The following HSF5 variants were observed in gnomAD, a reference collection of about 807,000 sequenced individuals.
HSF5 encodes the protein heat shock transcription factor 5, also known as heat shock factor protein 5.
HSF5 carries 5 observed loss-of-function variants against 50.8 expected under a neutral mutation model. The ratio of observed to expected loss-of-function variants is 0.10; its 90% CI spans 0.05 to 0.21. The LOEUF is 0.21. Ranked by LOEUF, HSF5 falls within the 10% of genes least tolerant of loss-of-function variation. HSF5 has a pLI of 1.00. For missense variants in HSF5, 564 were observed against 762.6 expected, an observed-to-expected ratio of 0.74 and a Z score of 3.07; for synonymous variants, 307 against 307.4, an observed-to-expected ratio of 1.00 and a Z score of 0.02.
At chr17:58,469,721 C>T (rs1974920332) in intron 2 of HSF5, among the ~76,000 whole-genome samples, 1 of 152,194 alleles carries the variant, frequency 6.6e-6, no homozygotes. Context: ...TCCTAAGATA[C>T]ATTCATCTGC....
chr17:58,429,179 A>C (rs1974333343), intron 5 of HSF5, among the ~76,000 whole-genome samples: 1 of 152,226 alleles, frequency 6.6e-6, no homozygotes, highest in African/African-American at 2.4e-5. Flanking sequence ...CATTTATATA[A>C]AACATTCAGA....
At chr17:58,452,205 G>A (rs964820850) in intron 5 of HSF5, among the ~76,000 whole-genome samples, 2 of 151,626 alleles carry the variant, frequency 1.3e-5, no homozygotes, top group Admixed American at 6.6e-5. Context: ...AGCTATTATC[G>A]TGCCACTGTA....
intron 3 of HSF5, among the ~76,000 whole-genome samples, chr17:58,463,875 G>A (rs903919691): frequency 6.6e-6 from 1 of 152,198 alleles, no homozygotes; most frequent in African/African-American, 2.4e-5. Flanking sequence ...GTTGCTTTTA[G>A]ATTTACATCT....
intron 5 of HSF5, among the ~76,000 whole-genome samples, chr17:58,432,434 A>G (rs1242965062): frequency 1.3e-5 from 2 of 152,216 alleles, no homozygotes; most frequent in Non-Finnish European, 2.9e-5. Context: ...CTGGCATCTG[A>G]GCAGAGGACT....
chr17:58,450,883 G>A (rs1974631740), intron 5 of HSF5, among the ~76,000 whole-genome samples: 1 of 152,030 alleles, frequency 6.6e-6, no homozygotes, highest in East Asian at 1.9e-4. Flanking sequence ...GAGGTTAGGA[G>A]TTTGAGACCA....
chr17:58,455,401 C>G (rs188270049), intron 5 of HSF5, among the ~76,000 whole-genome samples: 1 of 152,186 alleles, frequency 6.6e-6, no homozygotes, highest in East Asian at 1.9e-4. Context: ...GAAAATGCTT[C>G]ATGAAAATGG....
At chr17:58,451,948 TAA>T (rs61125428) in intron 5 of HSF5, among the ~76,000 whole-genome samples, 1 of 131,838 alleles carries the variant, frequency 7.6e-6, no homozygotes. Flanking sequence ...AGTTAGACTT[TAA>T]AAAAAAAAAA....
At chr17:58,480,572 T>C (rs1197003723) in intron 1 of HSF5, among the ~76,000 whole-genome samples, 1 of 152,224 alleles carries the variant, frequency 6.6e-6, no homozygotes, top group Non-Finnish European at 1.5e-5. Context: ...GATTTGGCCA[T>C]CTTACCTTTC....
Position 58,462,998 on chromosome 17 carries a change from A to G in HSF5, c.1326T>C (p.Phe442=). The part of the protein sequence containing the change: ...LTPVGSDIMS[F]VVGTEQAVAC... ...CAACTGCTTGTTCTGTTCCAACCAC[A>G]AAAGACATAATATCTGAGCCTACAG... Residue 442 remains phenylalanine, a synonymous_variant, in exon 4 of 6, where the codon TTT becomes TTC. Coordinates refer to ENST00000323777, the MANE Select transcript of HSF5 (RefSeq NM_001080439.3). The G allele has an allele frequency of 3.1e-6, 5 of 1,614,248 alleles. No homozygotes were observed. Among genetic ancestry groups the G allele is most frequent in the Non-Finnish European group, 4.2e-6 (5 of 1,180,042 alleles).
At chr17:58,460,518 T>C (rs371548231) in intron 4 of HSF5, among the ~76,000 whole-genome samples, 1 of 148,860 alleles carries the variant, frequency 6.7e-6, no homozygotes, top group Non-Finnish European at 1.5e-5. Context: ...CACATACTTT[T>C]TTTTTTTTTG....
intron 3 of HSF5, among the ~76,000 whole-genome samples, chr17:58,466,169 G>A (rs1278863730): frequency 6.6e-6 from 1 of 152,062 alleles, no homozygotes; most frequent in Non-Finnish European, 1.5e-5. Context: ...TCCAAAATCT[G>A]AAACACTCCT....
chr17:58,451,180 A>G (rs1468952739), intron 5 of HSF5, among the ~76,000 whole-genome samples: 1 of 152,218 alleles, frequency 6.6e-6, no homozygotes, highest in African/African-American at 2.4e-5. Context: ...TGGAGCACCT[A>G]AATATATAAT....
chr17:58,441,856 G>A (rs1050051164), intron 5 of HSF5, among the ~76,000 whole-genome samples: 2 of 152,228 alleles, frequency 1.3e-5, no homozygotes, highest in Non-Finnish European at 2.9e-5. Flanking sequence ...AACAGCGACT[G>A]TTGTATGTTT....
rs1974815241 is a variant in HSF5, at chr17:58,463,077, T to C, written c.1247A>G (p.Asn416Ser). Residue 416 changes from asparagine (N) to serine (S), a missense_variant, in exon 4 of 6, where the codon AAC (asparagine) becomes AGC (serine). Physicochemically the swap from Asn to Ser is conservative, Grantham distance 46 (BLOSUM62 1). Coordinates refer to ENST00000323777, the MANE Select transcript of HSF5 (RefSeq NM_001080439.3). ...YRGQHILANSNNSNPCSASQA... is the reference protein window; with the variant it reads ...YRGQHILANSSNSNPCSASQA... ...ACTTGCAGAACATGGATTGCTGTTG[T>C]TAGAATTAGCTAAAATGTGTTGGCC... 1 of 1,614,220 alleles carries C rather than the reference T, an allele frequency of 6.2e-7. No homozygotes were observed. Among genetic ancestry groups the C allele is most frequent in the Middle Eastern group, 1.6e-4 (1 of 6,062 alleles).
chr17:58,451,261 C>T (rs1185666030), intron 5 of HSF5, among the ~76,000 whole-genome samples: 1 of 152,142 alleles, frequency 6.6e-6, no homozygotes, highest in Non-Finnish European at 1.5e-5. Flanking sequence ...AAACACCCAG[C>T]TTTCAGCAAT....
At position 58,429,889 on chromosome 17, in the gene HSF5, TA is replaced by T. The variant is rs982833356; in HGVS notation, c.1721-7460del. Among the ~76,000 whole-genome samples, 180 of 146,728 alleles carry T rather than the reference TA, an allele frequency of 1.2e-3. 1 individual carries two copies. The highest frequency in any genetic ancestry group is 3.4e-3 in the Middle Eastern group (1 of 290). On this transcript the variant is annotated intron_variant, in intron 5 of 5. Transcript: ENST00000323777. The stretch of plus-strand genomic sequence containing the variant: ...GTTTAATTCTATGTTAATTTTACCT[TA>T]AAAAAAAAAGGTATATTTTCCTGTC...
rs1445483278 is a variant in HSF5 at position 58,458,758 on chromosome 17, T to C, written c.1720+10A>G. The C allele has an allele frequency of 2.5e-6, 4 of 1,603,504 alleles. No homozygotes were observed. Among genetic ancestry groups the C allele is most frequent in the South Asian group, 1.1e-5 (1 of 88,814 alleles). On this transcript the variant is annotated intron_variant, in intron 5 of 5. Transcript: ENST00000323777. Reference sequence around the variant, plus strand: ...CTACTTCTGGCATTCTAGAGCACAATAATCCTTACCAGGGGACTTTCCTTG... The same window carrying C: ...CTACTTCTGGCATTCTAGAGCACAACAATCCTTACCAGGGGACTTTCCTTG...
intron 5 of HSF5, among the ~76,000 whole-genome samples, chr17:58,454,593 T>C (rs1335232174): frequency 6.6e-6 from 1 of 152,130 alleles, no homozygotes; most frequent in East Asian, 1.9e-4. Context: ...ACCCTAAAGA[T>C]TCCACCAAAA....
chr17:58,451,426 C>T (rs1364491764), intron 5 of HSF5, among the ~76,000 whole-genome samples: 1 of 152,100 alleles, frequency 6.6e-6, no homozygotes, highest in Non-Finnish European at 1.5e-5. Flanking sequence ...CCAGAATAGA[C>T]CATACGTTAG....
Sources: gnomAD v4.1 joint callset for allele counts (sites outside exome capture counted in the v4.1 genomes callset) on GRCh38, gnomAD v4.1.1 for gene constraint, MANE v1.5 for transcripts, NCBI Gene and HGNC (gene_info 2026-07-23, HGNC 2026-07-21) for gene names.